The following EBF3 variants were observed in gnomAD, a reference collection of about 807,000 sequenced individuals.
The protein encoded by EBF3 is transcription factor COE3.
A neutral mutation model predicts 77.1 loss-of-function variants in EBF3; 18 were observed. The observed-to-expected ratio is 0.23, with a 90% CI of 0.16 to 0.35. The LOEUF (loss-of-function observed/expected upper bound fraction) is 0.35. Among genes scored for constraint, EBF3 ranks in the 10% least tolerant of loss-of-function variants. The pLI, the probability that EBF3 is intolerant of heterozygous loss-of-function variation, is 1.00. For synonymous variants in EBF3, 350 were observed against 343.5 expected (o/e 1.02, Z -0.21); for missense variants, 558 against 860.0 (o/e 0.65, Z 4.39).
At chr10:129,874,806 C>G (rs1264771955) in intron 7 of EBF3, among the ~76,000 whole-genome samples, 1 of 152,130 alleles carries the variant, frequency 6.6e-6, no homozygotes, top group African/African-American at 2.4e-5. Flanking sequence ...CAAAGCACGC[C>G]ATGCAAAATG....
intron 6 of EBF3, among the ~76,000 whole-genome samples, chr10:129,928,237 C>T (rs935117700): frequency 6.6e-6 from 1 of 152,022 alleles, no homozygotes; most frequent in Non-Finnish European, 1.5e-5. Flanking sequence ...ATAACTGATG[C>T]CCATTGTAGA....
chr10:129,900,203 G>T (rs770195975), intron 6 of EBF3, among the ~76,000 whole-genome samples: 1 of 152,140 alleles, frequency 6.6e-6, no homozygotes, highest in Non-Finnish European at 1.5e-5. Flanking sequence ...ACTCCCCTGG[G>T]ATACAAAAAT....
intron 10 of EBF3, among the ~76,000 whole-genome samples, chr10:129,858,869 A>T (rs1042702161): frequency 6.6e-6 from 1 of 152,178 alleles, no homozygotes; most frequent in Non-Finnish European, 1.5e-5. Context: ...CCAGAAAGGA[A>T]AGGAAGAAAA....
In EBF3 at chr10:129,870,347, C is replaced by T. The variant is rs751839201; in HGVS notation, c.782-2435G>A. Among the ~76,000 whole-genome samples, 17 of 152,074 alleles carry T rather than the reference C, an allele frequency of 1.1e-4. No homozygotes were observed. The highest frequency in any genetic ancestry group is 2.1e-4 in the Non-Finnish European group (14 of 68,014). On this transcript the variant is annotated intron_variant, in intron 8 of 16. Transcript: ENST00000440978. The surrounding 1 kb of genome is among the most constrained non-coding windows in gnomAD (Gnocchi z 4.4). ...TCAAGCAGATGACAGGAGCTGGGCC[C>T]GGCAGCTGAAGATGGCAGAGGAGGA...
At position 129,837,033 on chromosome 10, in the gene EBF3, CTACAATTTTA is replaced by C. The variant is rs2133923887; in HGVS notation, c.*900_*909del. On this transcript the variant is annotated 3_prime_UTR_variant, in exon 17 of 17. Transcript: ENST00000440978. ...ACAACTTTGGCAAAATCACAAAAGTCTACAATTTTATAACCACATACAAAACACATTAGGG... is the reference window on the plus strand; with the variant it reads ...ACAACTTTGGCAAAATCACAAAAGTCTAACCACATACAAAACACATTAGGG... 1 of 152,686 alleles carries C rather than the reference CTACAATTTTA, an allele frequency of 6.5e-6. No individual in the cohort carries two copies. The highest frequency in any genetic ancestry group is 6.5e-5 in the Admixed American group (1 of 15,290). 9.5% of individuals were successfully genotyped at this position (152,686 alleles called of 1,614,324 possible). A position where few individuals can be genotyped will look rare whatever the true frequency, so the allele number is the denominator to read the frequency against.
In EBF3 at chr10:129,963,055, G is replaced by C. The variant is rs201419040; in HGVS notation, c.292-50C>G. On this transcript the variant is annotated intron_variant, in intron 2 of 16. Coordinates refer to ENST00000440978, the MANE Select transcript of EBF3 (RefSeq NM_001375380.1). This position sits in a 1 kb window ranked among gnomAD's most constrained non-coding sequence, Gnocchi z 7.1. ...ATTTAGTGCGATCGGTGTCAGGCGCGGCCACCACGCTCGGTCCCCCTCCGC... is the reference window on the plus strand; with the variant it reads ...ATTTAGTGCGATCGGTGTCAGGCGCCGCCACCACGCTCGGTCCCCCTCCGC... 83 of 1,608,852 alleles carry C rather than the reference G, an allele frequency of 5.2e-5. No individual in the cohort carries two copies. In the African/African-American group the frequency reaches 9.3e-4, roughly 18 times the overall value.
chr10:129,913,572 T>C (rs1343497794), intron 6 of EBF3, among the ~76,000 whole-genome samples: 2 of 152,282 alleles, frequency 1.3e-5, no homozygotes, highest in South Asian at 2.1e-4. Context: ...CTGACGGTCC[T>C]GAGGCTGCAA....
intron 6 of EBF3, among the ~76,000 whole-genome samples, chr10:129,946,205 G>A (rs746986950): frequency 3.9e-5 from 6 of 152,190 alleles, no homozygotes; most frequent in Non-Finnish European, 5.9e-5. Flanking sequence ...GCGCGGACCC[G>A]CCCTGGCGAC....
At position 129,836,378 on chromosome 10, in the gene EBF3, T is replaced by G. The variant is rs1185831851; in HGVS notation, c.*1565A>C. ...TCAATGGGTGGCATCTAAAATGACTTTTTACATTCTACAAAAAAATAAAAT... is the reference window on the plus strand; with the variant it reads ...TCAATGGGTGGCATCTAAAATGACTGTTTACATTCTACAAAAAAATAAAAT... On this transcript the variant is annotated 3_prime_UTR_variant, in exon 17 of 17. Coordinates refer to ENST00000440978, the MANE Select transcript of EBF3 (RefSeq NM_001375380.1). The G allele has an allele frequency of 6.6e-6, 1 of 152,416 alleles. No individual in the cohort carries two copies. The highest frequency in any genetic ancestry group is 1.5e-5 in the Non-Finnish European group (1 of 67,984). The allele number at this position is 152,416 out of a possible 1,614,324, so 9.4% of individuals were successfully genotyped here.
At chr10:129,895,116 C>T (rs959990910) in intron 6 of EBF3, among the ~76,000 whole-genome samples, 5 of 152,324 alleles carry the variant, frequency 3.3e-5, no homozygotes, top group Non-Finnish European at 4.4e-5. Flanking sequence ...GGCCACTGGG[C>T]GAGACACTTA....
In EBF3 at chr10:129,957,406, C is replaced by CGTCTGACAATGAA. The variant is rs1200534907; in HGVS notation, c.486-93_486-81dup. 1.2e-5 allele frequency: 14 copies of CGTCTGACAATGAA among 1,155,866 alleles called. No homozygotes were observed. The Admixed American group carries it at 3.3e-4, about 27-fold the overall frequency. 71.6% of individuals were successfully genotyped at this position (1,155,866 alleles called of 1,614,324 possible). A position where few individuals can be genotyped will look rare whatever the true frequency, so the allele number is the denominator to read the frequency against. ...GACTTGTATTTTTTTTTTTTTCTGACGTCTGACAATGAAGCGGTAGGAGTC... is the reference window on the plus strand; with the variant it reads ...GACTTGTATTTTTTTTTTTTTCTGACGTCTGACAATGAAGTCTGACAATGAAGCGGTAGGAGTC... On this transcript the variant is annotated intron_variant, in intron 5 of 16. Transcript: ENST00000440978.
chr10:129,950,061 C>T (rs1325401774), intron 6 of EBF3, among the ~76,000 whole-genome samples: 1 of 149,788 alleles, frequency 6.7e-6, no homozygotes, highest in Admixed American at 6.7e-5. Flanking sequence ...GCAGGGGCGG[C>T]GGCTGGAGCT....
At chr10:129,872,324 G>A (rs901775797) in intron 8 of EBF3, among the ~76,000 whole-genome samples, 84 of 152,252 alleles carry the variant, frequency 5.5e-4, no homozygotes, top group African/African-American at 1.9e-3. Flanking sequence ...TAATGACATC[G>A]GTGCTTAGGG....
intron 6 of EBF3, among the ~76,000 whole-genome samples, chr10:129,881,327 G>T (rs1853191809): frequency 6.6e-6 from 1 of 152,158 alleles, no homozygotes; most frequent in Non-Finnish European, 1.5e-5. Flanking sequence ...TGACCATTAT[G>T]TGCACTAATT....
In EBF3 at chr10:129,885,092, T is replaced by G. The variant is rs1383358308; in HGVS notation, c.555-7243A>C. On this transcript the variant is annotated intron_variant, in intron 6 of 16. Transcript: ENST00000440978. This position sits in a 1 kb window ranked among gnomAD's most constrained non-coding sequence, Gnocchi z 4.0. ...CCTCCAAAGAGCCTTATCGCTAAAT[T>G]TCTGCTATAATGGTTTTTCTTTTCA... is the stretch of plus-strand genomic sequence containing the variant. 6.6e-6 allele frequency among the ~76,000 whole-genome samples: 1 copy of G among 152,176 alleles called. No homozygotes were observed. Among genetic ancestry groups the G allele is most frequent in the East Asian group, 1.9e-4 (1 of 5,192 alleles).
intron 14 of EBF3, 133 bp downstream of exon 14, chr10:129,840,711 G>T (rs2133944082): frequency 7.5e-7 from 1 of 1,335,232 alleles, no homozygotes. Context: ...TCGCCATTTG[G>T]ACGCCCAGCC....
rs1175268802 is a variant in EBF3, at chr10:129,963,731, G to T, written c.38C>A (p.Thr13Lys). ...GIQENIPRGG[T>K]TMKEEPLGSG... ...GCCCAGCGGCTCCTCCTTCATGGTCGTCCCCCCGCGCGGAATATTCTCCTG... is the reference window on the plus strand; with the variant it reads ...GCCCAGCGGCTCCTCCTTCATGGTCTTCCCCCCGCGCGGAATATTCTCCTG... Residue 13 changes from threonine to lysine, a missense_variant, in exon 1 of 17, where the codon ACG (threonine) becomes AAG (lysine). Thr to Lys is a moderately conservative substitution (Grantham distance 78). This residue lies in a region of EBF3 where 64 missense variants were observed against 54.5 expected (regional missense o/e 1.18). Transcript: ENST00000440978. This position sits in a 1 kb window ranked among gnomAD's most constrained non-coding sequence, Gnocchi z 7.1. 2 of 1,534,846 alleles carry T rather than the reference G, an allele frequency of 1.3e-6. No individual in the cohort carries two copies. Among genetic ancestry groups the T allele is most frequent in the East Asian group, 2.7e-5 (1 of 37,700 alleles).
At chr10:129,962,795 G>T in intron 3 of EBF3, 147 bp downstream of exon 3, 1 of 898,496 alleles carries the variant, frequency 1.1e-6, no homozygotes, top group Non-Finnish European at 1.7e-6. Flanking sequence ...CTTATTGATC[G>T]TTTATGTTTT....
chr10:129,851,510 T>C (rs546058433), intron 10 of EBF3, among the ~76,000 whole-genome samples: 2 of 152,312 alleles, frequency 1.3e-5, no homozygotes, highest in East Asian at 1.9e-4. Flanking sequence ...AAAACAAATG[T>C]TATTTTCTAC....
Sources: gnomAD v4.1 joint callset for allele counts (sites outside exome capture counted in the v4.1 genomes callset) on GRCh38, gnomAD v4.1.1 for gene constraint, gnomAD v4.1.1 regional missense constraint, Gnocchi (gnomAD v3.1) non-coding constraint, MANE v1.5 for transcripts, NCBI Gene and HGNC (gene_info 2026-07-23, HGNC 2026-07-21) for gene names.